LSAMP: variants seen among roughly 807,000 people sequenced by gnomAD.
LSAMP encodes limbic system-associated membrane protein.
Under a neutral mutation model 38.6 loss-of-function variants are expected in LSAMP, and 7 were observed. That is an observed-to-expected ratio of 0.18 (90% CI 0.10 to 0.34). The LOEUF is 0.34. Among genes scored for constraint, LSAMP ranks in the 10% least tolerant of loss-of-function variants. LSAMP has a pLI of 1.00. For synonymous variants in LSAMP, 154 were observed against 166.8 expected, an observed-to-expected ratio of 0.92 and a Z score of 0.59; for missense variants, 313 against 420.0, an observed-to-expected ratio of 0.75 and a Z score of 2.23.
chr3:116,218,662 G>C (rs1034665365), intron 1 of LSAMP, among the ~76,000 whole-genome samples: 21 of 152,226 alleles, frequency 1.4e-4, no homozygotes, highest in Non-Finnish European at 2.5e-4. Flanking sequence ...CAGTGTCACT[G>C]TATTGCCCAG....
intron 1 of LSAMP, among the ~76,000 whole-genome samples, chr3:116,443,235 A>G (rs2107893317): frequency 6.6e-6 from 1 of 152,332 alleles, no homozygotes; most frequent in South Asian, 2.1e-4. Context: ...CATTTTCTGC[A>G]CCATGTCCAA....
In LSAMP at chr3:116,156,537, C is replaced by T. The variant is rs574075822; in HGVS notation, c.156-69981G>A. 3.2e-4 allele frequency among the ~76,000 whole-genome samples: 48 copies of T among 152,114 alleles called. 1 individual carries two copies. The highest frequency in any genetic ancestry group is 2.7e-3 in the Admixed American group (41 of 15,262). On this transcript the variant is annotated intron_variant, in intron 1 of 6. Transcript: ENST00000490035. ...AAAGTGTGATGTGATGGTGATATTG[C>T]TACTAAATGGTATGAATTAAGTCAG...
At chr3:116,180,733 G>A (rs1710465786) in intron 1 of LSAMP, among the ~76,000 whole-genome samples, 1 of 152,064 alleles carries the variant, frequency 6.6e-6, no homozygotes, top group Non-Finnish European at 1.5e-5. Context: ...GTAGGGCAAA[G>A]CAACCAGCAT....
At chr3:116,415,089 C>T (rs561575674) in intron 1 of LSAMP, among the ~76,000 whole-genome samples, 8 of 149,390 alleles carry the variant, frequency 5.4e-5, no homozygotes, top group Non-Finnish European at 7.4e-5. Flanking sequence ...ACACTAAAAA[C>T]GAAAAAAAAA....
chr3:116,367,427 C>T (rs1408646450), intron 1 of LSAMP, among the ~76,000 whole-genome samples: 2 of 151,856 alleles, frequency 1.3e-5, no homozygotes, highest in Admixed American at 1.3e-4. Context: ...CCTCTCTCAC[C>T]ACCTGTGTTT....
At chr3:115,846,210 A>G (rs1402992238) in intron 4 of LSAMP, among the ~76,000 whole-genome samples, 1 of 152,228 alleles carries the variant, frequency 6.6e-6, no homozygotes, top group Non-Finnish European at 1.5e-5. Context: ...AATGCTGCAC[A>G]GAGAGGTCCA....
intron 1 of LSAMP, among the ~76,000 whole-genome samples, chr3:116,105,850 G>A (rs1358135529): frequency 2.0e-5 from 3 of 151,984 alleles, no homozygotes; most frequent in Admixed American, 6.6e-5. Context: ...GTGTTGGGGC[G>A]GCAAAAATTT....
chr3:115,953,223 G>T (rs765159013), intron 3 of LSAMP, among the ~76,000 whole-genome samples: 1 of 152,014 alleles, frequency 6.6e-6, no homozygotes, highest in African/African-American at 2.4e-5. Flanking sequence ...TTTTATTTTT[G>T]CTGATACAGT....
intron 2 of LSAMP, among the ~76,000 whole-genome samples, chr3:116,080,039 C>T (rs534572286): frequency 2.2e-4 from 34 of 152,240 alleles, no homozygotes; most frequent in African/African-American, 8.2e-4. Flanking sequence ...ACAACCAGAT[C>T]ATGTGTGAAT....
chr3:116,337,834 A>T (rs753305117), intron 1 of LSAMP, among the ~76,000 whole-genome samples: 1 of 152,050 alleles, frequency 6.6e-6, no homozygotes, highest in Non-Finnish European at 1.5e-5. Flanking sequence ...ACAAATTCTG[A>T]TTCTAGGATC....
At chr3:116,439,558 A>G (rs2049403933) in intron 1 of LSAMP, among the ~76,000 whole-genome samples, 1 of 152,204 alleles carries the variant, frequency 6.6e-6, no homozygotes, top group Admixed American at 6.5e-5. Flanking sequence ...GAAAAAAGAA[A>G]AAAGAATTCT....
chr3:116,221,663 T>C (rs1181380198), intron 1 of LSAMP, among the ~76,000 whole-genome samples: 1 of 152,204 alleles, frequency 6.6e-6, no homozygotes, highest in East Asian at 1.9e-4. Context: ...CACATACCAT[T>C]GATATATGCA....
At chr3:116,243,835 C>G (rs2046570722) in intron 1 of LSAMP, among the ~76,000 whole-genome samples, 1 of 151,978 alleles carries the variant, frequency 6.6e-6, no homozygotes. Flanking sequence ...AACTTAAAGC[C>G]AGGCTTAATT....
At chr3:116,216,885 C>T (rs1434719304) in intron 1 of LSAMP, among the ~76,000 whole-genome samples, 4 of 152,136 alleles carry the variant, frequency 2.6e-5, no homozygotes, top group African/African-American at 9.7e-5. Context: ...CAAAATGGAA[C>T]AGGAAGAGGA....
At chr3:115,841,113 A>G (rs1479338627) in intron 6 of LSAMP, among the ~76,000 whole-genome samples, 1 of 152,212 alleles carries the variant, frequency 6.6e-6, no homozygotes, top group Non-Finnish European at 1.5e-5. Flanking sequence ...CTTGCTGCTA[A>G]AGAGCAGGAC....
chr3:115,923,543 CTATG>C (rs1338702309), intron 3 of LSAMP, among the ~76,000 whole-genome samples: 3 of 152,114 alleles, frequency 2.0e-5, no homozygotes, highest in African/African-American at 7.2e-5. Context: ...GATATCACTC[CTATG>C]TAAGTCTTAA....
chr3:115,825,678 T>C (rs575566380), intron 6 of LSAMP, among the ~76,000 whole-genome samples: 17 of 152,230 alleles, frequency 1.1e-4, no homozygotes, highest in Non-Finnish European at 2.2e-4. Flanking sequence ...ATGCCCAATC[T>C]CTAACCTTTA....
chr3:116,283,678 A>T (rs2047157885), intron 1 of LSAMP, among the ~76,000 whole-genome samples: 2 of 152,178 alleles, frequency 1.3e-5, no homozygotes, highest in Non-Finnish European at 2.9e-5. Context: ...GATGGCTTAT[A>T]ATGAACCCTA....
At chr3:116,235,863 C>T (rs1361509382) in intron 1 of LSAMP, among the ~76,000 whole-genome samples, 1 of 152,146 alleles carries the variant, frequency 6.6e-6, no homozygotes, top group South Asian at 2.1e-4. Flanking sequence ...AACCCAGATA[C>T]TGTGATGGAA....
Sources: gnomAD v4.1 joint callset for allele counts (sites outside exome capture counted in the v4.1 genomes callset) on GRCh38, gnomAD v4.1.1 for gene constraint, MANE v1.5 for transcripts, NCBI Gene and HGNC (gene_info 2026-07-23, HGNC 2026-07-21) for gene names.